MARCHF3: variants seen among roughly 807,000 people sequenced by gnomAD.
MARCHF3 encodes the protein E3 ubiquitin-protein ligase MARCHF3.
A neutral mutation model predicts 24.2 loss-of-function variants in MARCHF3; 13 were observed. The ratio of observed to expected loss-of-function variants is 0.54; its 90% confidence interval spans 0.35 to 0.85. The LOEUF (loss-of-function observed/expected upper bound fraction) is 0.85, where lower values mean the gene tolerates loss of function less well. Among genes scored for constraint, MARCHF3 ranks in the 40% least tolerant of loss-of-function variants. The probability of loss-of-function intolerance (pLI) is 0.01; values close to 1 mark genes in which losing one functional copy is unlikely to be tolerated. For synonymous variants in MARCHF3, 144 were observed against 137.3 expected, an observed-to-expected ratio of 1.05 and a Z score of -0.34; for missense variants, 276 against 325.0, an observed-to-expected ratio of 0.85 and a Z score of 1.16.
chr5:126,932,756 G>A (rs997157926), intron 1 of MARCHF3, among the ~76,000 whole-genome samples: 4 of 152,092 alleles, frequency 2.6e-5, no homozygotes, highest in African/African-American at 7.2e-5. Context: ...GGAGCTAGGT[G>A]GGCCACTATA....
At chr5:126,939,653 A>G (rs1749764648) in intron 1 of MARCHF3, among the ~76,000 whole-genome samples, 2 of 152,250 alleles carry the variant, frequency 1.3e-5, no homozygotes, top group South Asian at 2.1e-4. Flanking sequence ...TAGAAAGGAA[A>G]TTTAAACAGA....
intron 1 of MARCHF3, among the ~76,000 whole-genome samples, chr5:127,010,142 C>T (rs1174416762): frequency 1.3e-5 from 2 of 152,036 alleles, no homozygotes; most frequent in Non-Finnish European, 2.9e-5. Flanking sequence ...CTTGGCCATT[C>T]GGTCATTTAC....
intron 3 of MARCHF3, among the ~76,000 whole-genome samples, chr5:126,885,677 G>C (rs534837396): frequency 1.9e-4 from 29 of 152,166 alleles, no homozygotes; most frequent in Non-Finnish European, 3.8e-4. Context: ...TACAGTATTA[G>C]TTAGACTAGT....
At chr5:126,916,684 GACAGACAGACAC>G (rs1308291357) in intron 2 of MARCHF3, among the ~76,000 whole-genome samples, 3 of 93,434 alleles carry the variant, frequency 3.2e-5, no homozygotes, top group African/African-American at 1.4e-4. Flanking sequence ...CTGACAGACA[GACAGACAGACAC>G]ACACACACAC....
intron 1 of MARCHF3, among the ~76,000 whole-genome samples, chr5:126,949,454 C>T (rs902959271): frequency 1.3e-5 from 2 of 152,270 alleles, no homozygotes; most frequent in African/African-American, 2.4e-5. Flanking sequence ...CTCAAAATGT[C>T]GAGCTATTAA....
chr5:126,970,299 G>C (rs1750962177), intron 1 of MARCHF3, among the ~76,000 whole-genome samples: 1 of 151,888 alleles, frequency 6.6e-6, no homozygotes, highest in South Asian at 2.1e-4. Flanking sequence ...TGTTAGCCAG[G>C]CTGGTCTCGA....
chr5:126,921,786 C>T (rs1749115843), intron 1 of MARCHF3, among the ~76,000 whole-genome samples: 1 of 152,176 alleles, frequency 6.6e-6, no homozygotes, highest in Non-Finnish European at 1.5e-5. Context: ...AGGCTTGACA[C>T]CTTGCATAAT....
At chr5:127,012,810 C>T (rs1201485334) in intron 1 of MARCHF3, among the ~76,000 whole-genome samples, 1 of 152,210 alleles carries the variant, frequency 6.6e-6, no homozygotes, top group Non-Finnish European at 1.5e-5. Context: ...AGAATGCAAT[C>T]AGTGCAAATT....
chr5:126,895,806 C>G (rs1435700416), intron 3 of MARCHF3, among the ~76,000 whole-genome samples: 1 of 152,180 alleles, frequency 6.6e-6, no homozygotes, highest in Non-Finnish European at 1.5e-5. Context: ...CCTACAGAGG[C>G]AGGCAGGCCT....
intron 1 of MARCHF3, among the ~76,000 whole-genome samples, chr5:127,000,625 G>A (rs1752095519): frequency 6.6e-6 from 1 of 152,172 alleles, no homozygotes; most frequent in Non-Finnish European, 1.5e-5. Flanking sequence ...AGAATGAAAG[G>A]AACTGCAACT....
At chr5:127,010,536 G>A (rs1459942780) in intron 1 of MARCHF3, among the ~76,000 whole-genome samples, 1 of 152,090 alleles carries the variant, frequency 6.6e-6, no homozygotes, top group African/African-American at 2.4e-5. Flanking sequence ...TCTCCAATTG[G>A]AAGCCAACAG....
intron 1 of MARCHF3, among the ~76,000 whole-genome samples, chr5:127,007,412 T>C (rs1178652841): frequency 6.6e-6 from 1 of 151,934 alleles, no homozygotes; most frequent in Non-Finnish European, 1.5e-5. Flanking sequence ...TTTATAAAGA[T>C]TCTTATGTAA....
intron 1 of MARCHF3, among the ~76,000 whole-genome samples, chr5:127,028,421 GA>G (rs1418624490): frequency 6.6e-6 from 1 of 152,102 alleles, no homozygotes; most frequent in Non-Finnish European, 1.5e-5. Flanking sequence ...TATAAATTGT[GA>G]ATCATTGCAA....
intron 1 of MARCHF3, among the ~76,000 whole-genome samples, chr5:126,976,794 G>A (rs1221318783): frequency 1.3e-5 from 2 of 152,202 alleles, no homozygotes; most frequent in Non-Finnish European, 2.9e-5. Flanking sequence ...CTGGCAGCAG[G>A]GAGAGCCCCA....
rs202011385 is a variant in MARCHF3 at position 126,878,254 on chromosome 5, A to G, written c.534T>C (p.Ser178=). ...CAATCAGTCCGACGGCTTCCAGCCG[A>G]CTACTAAAGTGCAGGTGGTCCACGG... ...RGAVDHLHFS[S]RLEAVGLIAL... Residue 178 remains serine, a synonymous_variant, in exon 4 of 5, where the codon AGT becomes AGC. Transcript: ENST00000308660. 1.9e-6 allele frequency: 3 copies of G among 1,614,262 alleles called. No individual in the cohort carries two copies. The African/African-American group carries it at 4.0e-5, about 22-fold the overall frequency.
chr5:127,000,046 T>C (rs771587814), intron 1 of MARCHF3, among the ~76,000 whole-genome samples: 3 of 149,184 alleles, frequency 2.0e-5, no homozygotes, highest in Non-Finnish European at 4.4e-5. Context: ...AATATTAGAA[T>C]ATATAATATA....
chr5:126,927,158 T>C (rs1405044587), intron 1 of MARCHF3, among the ~76,000 whole-genome samples: 1 of 152,084 alleles, frequency 6.6e-6, no homozygotes, highest in African/African-American at 2.4e-5. Context: ...AAATACAGAT[T>C]CTTTTTGATT....
At chr5:126,896,171 C>T (rs1468939157) in intron 3 of MARCHF3, among the ~76,000 whole-genome samples, 2 of 152,138 alleles carry the variant, frequency 1.3e-5, no homozygotes, top group South Asian at 4.1e-4. Context: ...CTTCGGCTGG[C>T]GCACGGTGCG....
At chr5:126,947,176 C>T (rs1648175380) in intron 1 of MARCHF3, among the ~76,000 whole-genome samples, 1 of 152,146 alleles carries the variant, frequency 6.6e-6, no homozygotes, top group Admixed American at 6.5e-5. Context: ...CCAAAGGGCT[C>T]ATTCCCCCGC....
Sources: allele counts gnomAD v4.1 joint callset (sites outside exome capture counted in the v4.1 genomes callset), GRCh38; gene constraint gnomAD v4.1.1; transcripts MANE v1.5; gene names NCBI Gene and HGNC (gene_info 2026-07-23, HGNC 2026-07-21).